Variants in CEP95 observed in about 807,000 individuals in gnomAD.
The protein encoded by CEP95 is centrosomal protein of 95 kDa.
In CEP95, 98 loss-of-function variants were observed where a neutral mutation model predicts 111.2. The observed-to-expected ratio is 0.88, with a 90% CI of 0.75 to 1.04. CEP95 has a LOEUF of 1.04. CEP95 is among the 50% of genes least tolerant of loss of function. The pLI is 0.00. For synonymous variants in CEP95, 323 were observed against 327.1 expected (o/e 0.99, Z 0.14); for missense variants, 1,027 against 977.2 (o/e 1.05, Z -0.68).
chr17:64,514,537 T>C (rs1196789023), intron 4 of CEP95, 179 bp downstream of exon 4: 1 of 452,892 alleles, frequency 2.2e-6, no homozygotes. Context: ...TGTCTTAGAC[T>C]GTCATCATGT....
intron 1 of CEP95, chr17:64,507,590 T>C (rs1304373112): frequency 9.9e-7 from 1 of 1,012,628 alleles, no homozygotes; most frequent in Non-Finnish European, 1.2e-6. Context: ...TTCAGTGCCC[T>C]CTAGAGTCAT....
In CEP95 at chr17:64,531,899, T is replaced by A. The variant is rs781873609; in HGVS notation, c.1549T>A (p.Tyr517Asn). The change falls in exon 14 of 20, where the codon TAC becomes AAC. Residue 517 changes from tyrosine (Y) to asparagine (N), a missense_variant. Transcript: ENST00000556440. ...TATATCTGCTTCTAAGGAAAAAATA[T>A]ACAGAGGAGAAGCTGTTCGTAAAGG... The part of the protein sequence containing the change: ...HEKEEETEKI[Y>N]RGEAVRKGTP... 6.4e-7 allele frequency: 1 copy of A among 1,573,346 alleles called. No individual in the cohort carries two copies. Among genetic ancestry groups the A allele is most frequent in the Admixed American group, 2.0e-5 (1 of 48,822 alleles).
At chr17:64,513,372 C>T (rs550144870) in intron 3 of CEP95, among the ~76,000 whole-genome samples, 1 of 152,196 alleles carries the variant, frequency 6.6e-6, no homozygotes, top group Non-Finnish European at 1.5e-5. Flanking sequence ...ACTATCTATA[C>T]CTGAGGTTGA....
chr17:64,518,029 G>A (rs1967006973), intron 5 of CEP95, among the ~76,000 whole-genome samples: 1 of 151,808 alleles, frequency 6.6e-6, no homozygotes, highest in African/African-American at 2.4e-5. Flanking sequence ...GGTGCACGCC[G>A]CCACGGCTGG....
intron 11 of CEP95, among the ~76,000 whole-genome samples, chr17:64,528,836 A>G (rs550798591): frequency 6.6e-6 from 1 of 152,362 alleles, no homozygotes; most frequent in South Asian, 2.1e-4. Flanking sequence ...CTAAGTAGGG[A>G]AAAATTGAGA....
intron 11 of CEP95, 103 bp from the exon 12 acceptor site, chr17:64,529,185 T>C: frequency 2.0e-6 from 2 of 1,012,636 alleles, no homozygotes; most frequent in Admixed American, 5.5e-5. Flanking sequence ...CTTTAGCACA[T>C]TCACTCATCA....
rs1197791475 is a variant in CEP95 at position 64,532,485 on chromosome 17, A to T, written c.1673-354A>T. The T allele has an allele frequency of 3.0e-6, 3 of 985,234 alleles. No individual in the cohort carries two copies. The African/African-American group carries it at 5.2e-5, about 17-fold the overall frequency. 61.0% of individuals were successfully genotyped at this position (985,234 alleles called of 1,614,324 possible). A position where few individuals can be genotyped will look rare whatever the true frequency, so the allele number is the denominator to read the frequency against. On this transcript the variant is annotated intron_variant, in intron 14 of 19. Coordinates refer to ENST00000556440, the MANE Select transcript of CEP95 (RefSeq NM_138363.3). ...CAAAGACTGCTGGCCCTCCTACTCTATCCTTTAGACCAGAAACTTTTTCTT... is the reference window on the plus strand; with the variant it reads ...CAAAGACTGCTGGCCCTCCTACTCTTTCCTTTAGACCAGAAACTTTTTCTT...
chr17:64,522,867 C>T lies in CEP95; in HGVS notation c.881C>T (p.Ser294Phe). ...AGTCACTGCTCCCCAGCCGTAAATTCTACTGGAGAGCATACGGAATTTTCT... is the reference window on the plus strand; with the variant it reads ...AGTCACTGCTCCCCAGCCGTAAATTTTACTGGAGAGCATACGGAATTTTCT... ...HSSHCSPAVN[S>F]TGEHTEFSGD... Residue 294 changes from serine (S) to phenylalanine (F), a missense_variant, in exon 8 of 20, where the codon TCT becomes TTT. Transcript: ENST00000556440. The T allele has an allele frequency of 1.2e-6, 2 of 1,612,262 alleles. No individual in the cohort carries two copies. The highest frequency in any genetic ancestry group is 1.7e-6 in the Non-Finnish European group (2 of 1,179,374).
Position 64,527,025 on chromosome 17 carries a change from G to A in CEP95, c.1153-86G>A, listed in dbSNP as rs1185232103. ...AACTTGTTATTAGTGACTGTCAAAG[G>A]AAGCTTTTTTAAAGGTCTGCCTACT... On this transcript the variant is annotated intron_variant, in intron 10 of 19. Transcript: ENST00000556440. 6 of 1,020,542 alleles carry A rather than the reference G, an allele frequency of 5.9e-6. No homozygotes were observed. The East Asian group carries it at 1.2e-4, about 21-fold the overall frequency. The allele number at this position is 1,020,542 out of a possible 1,614,324, so 63.2% of individuals were successfully genotyped here.
intron 9 of CEP95, 27 bp from the exon 10 acceptor site, chr17:64,526,044 A>G (rs782183195): frequency 1.3e-6 from 2 of 1,599,502 alleles, no homozygotes; most frequent in South Asian, 2.3e-5. Context: ...TAGCTATTTT[A>G]CTGTCAAATG....
chr17:64,532,789 A>G, intron 14 of CEP95, 50 bp from the exon 15 acceptor site: 1 of 1,566,976 alleles, frequency 6.4e-7, no homozygotes, highest in Non-Finnish European at 8.6e-7. Context: ...ATGTTGGATG[A>G]CAGTTCTTGT....
intron 12 of CEP95, 83 bp from the exon 13 acceptor site, chr17:64,530,843 C>A: frequency 2.8e-6 from 2 of 709,520 alleles, no homozygotes; most frequent in South Asian, 2.2e-5. Flanking sequence ...GTTTACTAGA[C>A]AGGTGCTTTA....
intron 6 of CEP95, chr17:64,520,494 C>T (rs530511156): frequency 7.2e-6 from 1 of 138,516 alleles, no homozygotes; most frequent in African/African-American, 2.7e-5. Context: ...AGGTCTTGCT[C>T]TGTCACCCAG....
chr17:64,514,057 T>C (rs1278537988), intron 3 of CEP95, among the ~76,000 whole-genome samples, 191 bp from the exon 4 acceptor site: 2 of 152,194 alleles, frequency 1.3e-5, no homozygotes, highest in African/African-American at 4.8e-5. Context: ...AGCAGGAAAT[T>C]GTTGTTCTTA....
chr17:64,527,044 G>A (rs1555679234), intron 10 of CEP95, 67 bp from the exon 11 acceptor site: 3 of 1,348,504 alleles, frequency 2.2e-6, no homozygotes, highest in Non-Finnish European at 2.1e-6. Flanking sequence ...TTAAAGGTCT[G>A]CCTACTCCTA....
In CEP95 at chr17:64,532,914, T is replaced by G. The variant is rs1555680628; in HGVS notation, c.1748T>G (p.Leu583Arg). ...FPFLYVSGPT[L>R]SKMWKQQIAQ... Reference sequence around the variant, plus strand: ...TTTCTTTATGTTTCTGGCCCAACACTAAGCAAAATGTGGAAACAGCAAATT... The same window carrying G: ...TTTCTTTATGTTTCTGGCCCAACACGAAGCAAAATGTGGAAACAGCAAATT... Residue 583 changes from leucine (L) to arginine (R), a missense_variant, in exon 15 of 20, where the codon CTA becomes CGA. Physicochemically the swap from Leu to Arg is moderately radical, Grantham distance 102. Coordinates refer to ENST00000556440, the MANE Select transcript of CEP95 (RefSeq NM_138363.3). 1 of 1,613,902 alleles carries G rather than the reference T, an allele frequency of 6.2e-7. No homozygotes were observed. Among genetic ancestry groups the G allele is most frequent in the South Asian group, 1.1e-5 (1 of 91,080 alleles).
At chr17:64,526,941 C>CAA in intron 10 of CEP95, 170 bp from the exon 11 acceptor site, 1 of 488,250 alleles carries the variant, frequency 2.0e-6, no homozygotes, top group Non-Finnish European at 3.7e-6. Context: ...GCCTGGGTGA[C>CAA]AGAGTGAGAT....
At chr17:64,520,394 T>G (rs1967222007) in intron 6 of CEP95, 1 of 152,030 alleles carries the variant, frequency 6.6e-6, no homozygotes, top group Non-Finnish European at 1.5e-5. Flanking sequence ...AGATTTAAAG[T>G]GTCAGATAAC....
chr17:64,526,892 A>G (rs1285931689), intron 10 of CEP95: 1 of 332,806 alleles, frequency 3.0e-6, no homozygotes, highest in Non-Finnish European at 5.6e-6. Flanking sequence ...CCCAGTAGGC[A>G]GAGGTTACAG....
Sources: gnomAD v4.1 joint callset for allele counts (sites outside exome capture counted in the v4.1 genomes callset) on GRCh38, gnomAD v4.1.1 for gene constraint, MANE v1.5 for transcripts, NCBI Gene and HGNC (gene_info 2026-07-23, HGNC 2026-07-21) for gene names.